The following PRKN variants were observed in gnomAD, a reference collection of about 807,000 sequenced individuals.
PRKN encodes parkin RBR E3 ubiquitin protein ligase, also known as E3 ubiquitin-protein ligase parkin.
Under a neutral mutation model 59.5 loss-of-function variants are expected in PRKN, and 56 were observed. The ratio of observed to expected loss-of-function variants is 0.94; its 90% CI spans 0.76 to 1.18. The LOEUF (loss-of-function observed/expected upper bound fraction) is 1.18. Among genes scored for constraint, PRKN ranks in the 50% most tolerant of loss-of-function variants. PRKN has a pLI of 0.00. For missense variants in PRKN, 657 were observed against 596.4 expected, an observed-to-expected ratio of 1.10 and a Z score of -1.06; for synonymous variants, 250 against 222.1, an observed-to-expected ratio of 1.13 and a Z score of -1.12.
At chr6:161,837,981 GA>G (rs1361501230) in intron 6 of PRKN, among the ~76,000 whole-genome samples, 9 of 152,156 alleles carry the variant, frequency 5.9e-5, no homozygotes. Context: ...GTCATGAGAA[GA>G]AAAGGTCTGC....
At chr6:161,843,543 T>G (rs1289992255) in intron 6 of PRKN, among the ~76,000 whole-genome samples, 1 of 152,204 alleles carries the variant, frequency 6.6e-6, no homozygotes, top group African/African-American at 2.4e-5. Flanking sequence ...CCCAGCACTT[T>G]GAGAGGCCAA....
intron 2 of PRKN, among the ~76,000 whole-genome samples, chr6:162,352,332 G>A (rs1784658500): frequency 6.6e-6 from 1 of 152,160 alleles, no homozygotes; most frequent in Admixed American, 6.5e-5. Flanking sequence ...AGAACAAGGT[G>A]AGTCAAACCG....
chr6:161,830,534 G>GA (rs1230651629), intron 6 of PRKN, among the ~76,000 whole-genome samples: 1 of 152,162 alleles, frequency 6.6e-6, no homozygotes, highest in South Asian at 2.1e-4. Flanking sequence ...TAACAGGCGT[G>GA]AGCCCCCGCA....
rs568949232 is a variant in PRKN, at chr6:162,620,833, C to A, written c.7+106829G>T. Reference sequence around the variant, plus strand: ...CCTTCCAAAGTGTTGGGATGACAGGCATGAGCCACTGTGCCCAGATATATA... The same window carrying A: ...CCTTCCAAAGTGTTGGGATGACAGGAATGAGCCACTGTGCCCAGATATATA... On this transcript the variant is annotated intron_variant, in intron 1 of 11. Coordinates refer to ENST00000366898, the MANE Select transcript of PRKN (RefSeq NM_004562.3). Among the ~76,000 whole-genome samples, 3 of 152,306 alleles carry A rather than the reference C, an allele frequency of 2.0e-5. No individual in the cohort carries two copies. In the South Asian group the frequency reaches 6.2e-4, roughly 32 times the overall value.
chr6:162,400,919 CGT>C lies in PRKN; in HGVS notation c.171+42389_171+42390del, dbSNP rs766560845. Among the ~76,000 whole-genome samples the C allele has an allele frequency of 4.6e-5, 7 of 151,988 alleles. No individual in the cohort carries two copies. In the South Asian group the frequency reaches 6.2e-4, roughly 14 times the overall value. ...TTAGAAATTAATAAAGCAAAAATAA[CGT>C]GTTATTAATTTAAAATAATTATTTT... On this transcript the variant is annotated intron_variant, in intron 2 of 11. Transcript: ENST00000366898.
intron 1 of PRKN, among the ~76,000 whole-genome samples, chr6:162,698,183 T>C (rs956420362): frequency 4.6e-5 from 7 of 152,358 alleles, no homozygotes; most frequent in African/African-American, 1.4e-4. Flanking sequence ...ACGTGTCCAC[T>C]GGCAGATCCT....
rs1354255141 is a variant in PRKN, at chr6:161,498,201, C to A, written c.1083+50653G>T. Among the ~76,000 whole-genome samples, 5 of 152,180 alleles carry A rather than the reference C, an allele frequency of 3.3e-5. No individual in the cohort carries two copies. The highest frequency in any genetic ancestry group is 1.2e-4 in the African/African-American group (5 of 41,448). On this transcript the variant is annotated intron_variant, in intron 9 of 11. Coordinates refer to ENST00000366898, the MANE Select transcript of PRKN (RefSeq NM_004562.3). This position sits in a 1 kb window ranked among gnomAD's most constrained non-coding sequence, Gnocchi z 4.2. ...ATAATTTAGCTGATAGAAACCTCTG[C>A]TCACCAAGGGGATTTTTATTCAGGC...
chr6:161,976,343 C>T (rs1051618235), intron 5 of PRKN, among the ~76,000 whole-genome samples: 3 of 152,164 alleles, frequency 2.0e-5, no homozygotes, highest in East Asian at 1.9e-4. Flanking sequence ...GAATATCAGC[C>T]GGTCCTCACA....
chr6:161,959,647 A>G (rs1287038477), intron 6 of PRKN, among the ~76,000 whole-genome samples: 1 of 152,104 alleles, frequency 6.6e-6, no homozygotes, highest in East Asian at 1.9e-4. Context: ...AACTCAAAAT[A>G]TTTCCTCTGA....
rs1030128758 is a variant in PRKN at position 162,205,428 on chromosome 6, C to T, written c.413-4176G>A. On this transcript the variant is annotated intron_variant, in intron 3 of 11. Coordinates refer to ENST00000366898, the MANE Select transcript of PRKN (RefSeq NM_004562.3). ...TGAAGACAGGATACTTAGGAAGAGT[C>T]GTTCTGATTCTAATGGAAACTTTTC... 5.9e-5 allele frequency among the ~76,000 whole-genome samples: 9 copies of T among 152,038 alleles called. No individual in the cohort carries two copies. The South Asian group carries it at 1.9e-3, about 32-fold the overall frequency.
chr6:161,739,964 C>A (rs892816786), intron 7 of PRKN, among the ~76,000 whole-genome samples: 1 of 152,044 alleles, frequency 6.6e-6, no homozygotes, highest in Non-Finnish European at 1.5e-5. Context: ...CATGTTGGCC[C>A]GGCTGGTCTC....
intron 7 of PRKN, among the ~76,000 whole-genome samples, chr6:161,596,889 G>T (rs771695181): frequency 1.3e-5 from 2 of 152,266 alleles, no homozygotes; most frequent in Middle Eastern, 3.4e-3. Flanking sequence ...TCGGCAGCAG[G>T]GACTCTCTGA....
intron 2 of PRKN, among the ~76,000 whole-genome samples, chr6:162,439,640 T>C (rs1789956526): frequency 6.6e-6 from 1 of 152,060 alleles, no homozygotes; most frequent in African/African-American, 2.4e-5. Context: ...GCAGATTTTC[T>C]TCTGCCTCTG....
intron 2 of PRKN, among the ~76,000 whole-genome samples, chr6:162,379,938 T>A (rs1258650864): frequency 2.6e-5 from 4 of 152,144 alleles, no homozygotes; most frequent in African/African-American, 9.7e-5. Context: ...GTCATTCCAA[T>A]CCAAGGGAGA....
chr6:161,568,442 A>G (rs1396428203), intron 8 of PRKN, among the ~76,000 whole-genome samples: 1 of 152,138 alleles, frequency 6.6e-6, no homozygotes, highest in African/African-American at 2.4e-5. Flanking sequence ...AAATATAAAA[A>G]ATTAGCTGGG....
At chr6:161,690,568 T>C (rs1785741673) in intron 7 of PRKN, among the ~76,000 whole-genome samples, 1 of 152,182 alleles carries the variant, frequency 6.6e-6, no homozygotes, top group Admixed American at 6.5e-5. Flanking sequence ...TTATTTCTGG[T>C]TGTGTCCGTG....
At chr6:161,828,090 A>G (rs893883300) in intron 6 of PRKN, among the ~76,000 whole-genome samples, 9 of 152,214 alleles carry the variant, frequency 5.9e-5, no homozygotes, top group African/African-American at 9.6e-5. Context: ...TGTTTTGAAA[A>G]TAAGAATCTG....
intron 7 of PRKN, among the ~76,000 whole-genome samples, chr6:161,777,640 A>G (rs1289948116): frequency 7.0e-6 from 1 of 143,334 alleles, no homozygotes; most frequent in Non-Finnish European, 1.5e-5. Context: ...AACTCTACGG[A>G]TATTCTCATA....
At chr6:162,026,138 T>G (rs1292343357) in intron 5 of PRKN, among the ~76,000 whole-genome samples, 1 of 147,656 alleles carries the variant, frequency 6.8e-6, no homozygotes, top group Non-Finnish European at 1.5e-5. Context: ...GTTCTTTCAG[T>G]GAATTGCTTT....
Sources: allele counts gnomAD v4.1 joint callset (sites outside exome capture counted in the v4.1 genomes callset), GRCh38; gene constraint gnomAD v4.1.1; non-coding constraint Gnocchi (gnomAD v3.1); transcripts MANE v1.5; gene names NCBI Gene and HGNC (gene_info 2026-07-23, HGNC 2026-07-21).